RAPGEF5: variants seen among roughly 807,000 people sequenced by gnomAD.
The protein encoded by RAPGEF5 is Rap guanine nucleotide exchange factor 5.
RAPGEF5 carries 65 observed loss-of-function variants against 125.2 expected under a neutral mutation model. The ratio of observed to expected loss-of-function variants is 0.52; its 90% CI spans 0.43 to 0.64. RAPGEF5 has a LOEUF of 0.64. RAPGEF5 is among the 30% of genes least tolerant of loss of function. The pLI is 0.00. For missense variants in RAPGEF5, 958 were observed against 1,048.1 expected (o/e 0.91, Z 1.19); for synonymous variants, 391 against 385.9 (o/e 1.01, Z -0.16).
intron 5 of RAPGEF5, among the ~76,000 whole-genome samples, chr7:22,298,957 A>T (rs1309045260): frequency 1.4e-5 from 2 of 148,112 alleles, no homozygotes; most frequent in East Asian, 3.9e-4. Flanking sequence ...TCCTTCTTTT[A>T]TTCCTGATAT....
chr7:22,185,329 G>C (rs967895570), intron 11 of RAPGEF5, among the ~76,000 whole-genome samples: 8 of 152,178 alleles, frequency 5.3e-5, no homozygotes, highest in African/African-American at 1.7e-4. Flanking sequence ...CTGGTGTCTG[G>C]AGTAATCTTT....
At chr7:22,328,757 T>C (rs1783859431) in intron 1 of RAPGEF5, among the ~76,000 whole-genome samples, 1 of 152,212 alleles carries the variant, frequency 6.6e-6, no homozygotes, top group South Asian at 2.1e-4. Flanking sequence ...CTCCCACCAA[T>C]GACTTATCAG....
intron 7 of RAPGEF5, among the ~76,000 whole-genome samples, chr7:22,254,948 C>T (rs908467402): frequency 2.6e-5 from 4 of 152,108 alleles, no homozygotes; most frequent in African/African-American, 4.8e-5. Context: ...CAGCCCAGTT[C>T]CCAATATGCC....
intron 7 of RAPGEF5, among the ~76,000 whole-genome samples, chr7:22,251,489 G>A (rs1241678080): frequency 1.3e-5 from 2 of 152,168 alleles, no homozygotes; most frequent in East Asian, 3.9e-4. Flanking sequence ...GGGAACCAAG[G>A]ACAAAGGAGC....
At chr7:22,143,010 A>G (rs1035840409) in intron 20 of RAPGEF5, among the ~76,000 whole-genome samples, 3 of 152,336 alleles carry the variant, frequency 2.0e-5, no homozygotes, top group South Asian at 2.1e-4. Flanking sequence ...AGATGTGAAT[A>G]TATTTCATTT....
intron 11 of RAPGEF5, among the ~76,000 whole-genome samples, chr7:22,190,700 C>G (rs1784966579): frequency 6.6e-6 from 1 of 152,186 alleles, no homozygotes. Flanking sequence ...TCTATTGGGT[C>G]CTGCACCTAC....
intron 7 of RAPGEF5, among the ~76,000 whole-genome samples, chr7:22,241,664 T>A (rs1219802760): frequency 1.3e-5 from 2 of 152,138 alleles, no homozygotes; most frequent in Non-Finnish European, 2.9e-5. Context: ...GGATTTAAAC[T>A]ACTTAATCAA....
At chr7:22,186,694 T>G (rs1051558601) in intron 11 of RAPGEF5, among the ~76,000 whole-genome samples, 4 of 152,172 alleles carry the variant, frequency 2.6e-5, no homozygotes, top group African/African-American at 4.8e-5. Flanking sequence ...TCTAAGGTAT[T>G]CAGAAACTCA....
intron 1 of RAPGEF5, among the ~76,000 whole-genome samples, chr7:22,321,159 G>A (rs1387854259): frequency 6.6e-6 from 1 of 152,042 alleles, no homozygotes; most frequent in Non-Finnish European, 1.5e-5. Context: ...AATGAACCAT[G>A]GAAAATGTTT....
intron 1 of RAPGEF5, among the ~76,000 whole-genome samples, chr7:22,351,554 C>A (rs1426161255): frequency 6.6e-6 from 1 of 152,170 alleles, no homozygotes; most frequent in Non-Finnish European, 1.5e-5. Context: ...GCAAATTACA[C>A]CTGTGTTTCA....
intron 6 of RAPGEF5, among the ~76,000 whole-genome samples, chr7:22,269,493 T>C (rs912153837): frequency 1.3e-5 from 2 of 152,120 alleles, no homozygotes; most frequent in South Asian, 2.1e-4. Context: ...ACCCTATTTA[T>C]ACAAAGACAG....
At chr7:22,353,798 G>A (rs756492385) in intron 1 of RAPGEF5, among the ~76,000 whole-genome samples, 1 of 152,160 alleles carries the variant, frequency 6.6e-6, no homozygotes, top group Non-Finnish European at 1.5e-5. Flanking sequence ...AACTAGAAGT[G>A]ACTGAACTGA....
intron 3 of RAPGEF5, among the ~76,000 whole-genome samples, chr7:22,310,632 C>T (rs944216964): frequency 6.6e-6 from 1 of 150,540 alleles, no homozygotes; most frequent in African/African-American, 2.4e-5. Flanking sequence ...CAAGATTAGA[C>T]AAAATTGGGA....
At chr7:22,154,680 CTTGATCA>C in intron 16 of RAPGEF5, 76 bp from the exon 17 acceptor site, 59 of 1,506,874 alleles carry the variant, frequency 3.9e-5, no homozygotes, top group Middle Eastern at 2.3e-4. Context: ...ATCAAGGCAC[CTTGATCA>C]ACTTTTCTAA....
Position 22,271,664 on chromosome 7 carries a change from G to A in RAPGEF5, c.748-4652C>T, listed in dbSNP as rs189640722. ...CCTTGTAAATGTCTAAATAGAGGAC[G>A]ATTAAAGGACTGATAAAACATATCC... On this transcript the variant is annotated intron_variant, in intron 6 of 25. Transcript: ENST00000665637. 1.3e-3 allele frequency among the ~76,000 whole-genome samples: 197 copies of A among 152,272 alleles called. 1 individual carries two copies. The highest frequency in any genetic ancestry group is 3.4e-3 in the Middle Eastern group (1 of 294).
chr7:22,335,893 G>T (rs1379770457), intron 1 of RAPGEF5, among the ~76,000 whole-genome samples: 1 of 152,136 alleles, frequency 6.6e-6, no homozygotes, highest in Non-Finnish European at 1.5e-5. Flanking sequence ...AGAATATTGG[G>T]AATCTAAGAG....
At chr7:22,345,696 CT>C (rs60654602) in intron 1 of RAPGEF5, among the ~76,000 whole-genome samples, 17,190 of 106,592 alleles carry the variant, frequency 0.16, 1,040 homozygotes, top group African/African-American at 0.25. Context: ...GTCTAGGCAG[CT>C]TTTTTTTTTT....
intron 7 of RAPGEF5, among the ~76,000 whole-genome samples, 194 bp downstream of exon 7, chr7:22,266,770 A>G (rs979671670): frequency 1.3e-5 from 2 of 152,196 alleles, no homozygotes; most frequent in Admixed American, 1.3e-4. Flanking sequence ...GTGACATTTT[A>G]TCTTAAAGAA....
At chr7:22,159,078 A>G (rs1314456601) in intron 14 of RAPGEF5, among the ~76,000 whole-genome samples, 2 of 152,216 alleles carry the variant, frequency 1.3e-5, no homozygotes, top group Non-Finnish European at 2.9e-5. Context: ...AAAGTTTCCC[A>G]GCTGTAACAG....
Sources: allele counts gnomAD v4.1 joint callset (sites outside exome capture counted in the v4.1 genomes callset), GRCh38; gene constraint gnomAD v4.1.1; transcripts MANE v1.5; gene names NCBI Gene and HGNC (gene_info 2026-07-23, HGNC 2026-07-21).